Variants in ADAM7 observed in about 807,000 individuals in gnomAD.
The protein encoded by ADAM7 is disintegrin and metalloproteinase domain-containing protein 7.
In ADAM7, 97 loss-of-function variants were observed where a neutral mutation model predicts 102.9. That is an observed-to-expected ratio of 0.94 (90% CI 0.80 to 1.12). The LOEUF is 1.12. Ranked by LOEUF, ADAM7 falls within the 50% of genes most tolerant of loss-of-function variation. The pLI, the probability that ADAM7 is intolerant of heterozygous loss-of-function variation, is 0.00. For synonymous variants in ADAM7, 334 were observed against 304.4 expected, an observed-to-expected ratio of 1.10 and a Z score of -1.01; for missense variants, 991 against 908.7, an observed-to-expected ratio of 1.09 and a Z score of -1.16.
chr8:24,465,629 T>C (rs1427378203), intron 4 of ADAM7, 70 bp from the exon 5 acceptor site: 4 of 915,122 alleles, frequency 4.4e-6, no homozygotes, highest in Non-Finnish European at 6.3e-6. Context: ...GAACAGAAAA[T>C]ATTTAGATAT....
chr8:24,481,994 C>G (rs1319324833), intron 8 of ADAM7, 148 bp from the exon 9 acceptor site: 2 of 533,038 alleles, frequency 3.8e-6, no homozygotes, highest in East Asian at 6.8e-5. Flanking sequence ...TTTGATATAT[C>G]TGTTTGCAAC....
At chr8:24,490,912 G>GTTT in intron 13 of ADAM7, 24 bp downstream of exon 13, 1 of 1,285,146 alleles carries the variant, frequency 7.8e-7, no homozygotes. Flanking sequence ...CCAGGAGAAG[G>GTTT]TTTTTTTTTT....
At chr8:24,452,211 C>A (rs1290213543) in intron 3 of ADAM7, among the ~76,000 whole-genome samples, 1 of 150,820 alleles carries the variant, frequency 6.6e-6, no homozygotes, top group Non-Finnish European at 1.5e-5. Context: ...TCCTTGTTAA[C>A]TTTCTGTCTC....
Position 24,489,156 on chromosome 8 carries a change from T to G in ADAM7, c.1092-3T>G. On this transcript the variant is annotated splice_polypyrimidine_tract_variant and splice_region_variant and intron_variant, in intron 11 of 21. Coordinates refer to ENST00000175238, the MANE Select transcript of ADAM7 (RefSeq NM_003817.4). ...CTTTATTTTTACCTCATTCTATCTC[T>G]AGCATTCCTGCACTGAAATTCAGTA... 2 of 1,607,336 alleles carry G rather than the reference T, an allele frequency of 1.2e-6. No individual in the cohort carries two copies. Among genetic ancestry groups the G allele is most frequent in the South Asian group, 2.2e-5 (2 of 89,910 alleles).
At chr8:24,473,681 T>C (rs752690069) in intron 7 of ADAM7, among the ~76,000 whole-genome samples, 1 of 152,166 alleles carries the variant, frequency 6.6e-6, no homozygotes, top group Non-Finnish European at 1.5e-5. Flanking sequence ...CTAGACATGA[T>C]CTTATGAGAA....
In ADAM7 at chr8:24,466,839, C is replaced by T. The variant is rs1475335917; in HGVS notation, c.430C>T (p.Pro144Ser). ...RINDQRYLIEPVKYSDEGEHL... is the reference protein window; with the variant it reads ...RINDQRYLIESVKYSDEGEHL... Reference sequence around the variant, plus strand: ...AAACGACCAAAGATACCTCATTGAACCAGTGAAATACTCAGATGAGGGAGA... The same window carrying T: ...AAACGACCAAAGATACCTCATTGAATCAGTGAAATACTCAGATGAGGGAGA... The change falls in exon 6 of 22, where the codon CCA (proline) becomes TCA (serine). Residue 144 changes from proline to serine, a missense_variant. Physicochemically the swap from Pro to Ser is moderately conservative, Grantham distance 74 (BLOSUM62 -1). Coordinates refer to ENST00000175238, the MANE Select transcript of ADAM7 (RefSeq NM_003817.4). The T allele has an allele frequency of 1.2e-6, 2 of 1,613,714 alleles. No homozygotes were observed. The highest frequency in any genetic ancestry group is 1.1e-5 in the South Asian group (1 of 91,004).
At chr8:24,472,376 T>C (rs1435274426) in intron 7 of ADAM7, among the ~76,000 whole-genome samples, 1 of 151,870 alleles carries the variant, frequency 6.6e-6, no homozygotes, top group East Asian at 1.9e-4. Context: ...TACATAGAAA[T>C]AGCAAAGAGA....
intron 8 of ADAM7, 41 bp downstream of exon 8, chr8:24,476,545 A>G: frequency 1.3e-6 from 2 of 1,494,738 alleles, no homozygotes; most frequent in Non-Finnish European, 1.9e-6. Flanking sequence ...CAATAATACG[A>G]ATGCAAAGAA....
chr8:24,501,851 T>A (rs571474005), intron 20 of ADAM7, among the ~76,000 whole-genome samples: 3 of 152,184 alleles, frequency 2.0e-5, no homozygotes, highest in Non-Finnish European at 4.4e-5. Flanking sequence ...TGGAAAAATT[T>A]ACAAGCATAA....
At chr8:24,458,993 T>C (rs976923546) in intron 3 of ADAM7, among the ~76,000 whole-genome samples, 9 of 151,962 alleles carry the variant, frequency 5.9e-5, no homozygotes, top group Non-Finnish European at 1.2e-4. Context: ...TTCTGTGTTT[T>C]TAGTTTTTGC....
At chr8:24,471,144 T>A (rs1386172797) in intron 7 of ADAM7, among the ~76,000 whole-genome samples, 1 of 151,970 alleles carries the variant, frequency 6.6e-6, no homozygotes, top group Non-Finnish European at 1.5e-5. Flanking sequence ...AATAGAGATA[T>A]AAAGAAAAAA....
chr8:24,442,389 C>T, intron 1 of ADAM7, 84 bp from the exon 2 acceptor site: 1 of 913,812 alleles, frequency 1.1e-6, no homozygotes. Context: ...GGCAAATGAA[C>T]TGTATTAGAA....
At position 24,489,327 on chromosome 8, in the gene ADAM7, T is replaced by C. The variant is rs61752047; in HGVS notation, c.1260T>C (p.Pro420=). 0.018 allele frequency: 28,758 copies of C among 1,606,354 alleles called. 350 individuals carry two copies. The highest frequency in any genetic ancestry group is 0.023 in the Middle Eastern group (136 of 6,012). ...AGGGTGAAGAGTGTGACTGTGGCCC[T>C]GCTCAGGTATTTGCAAATGAAGCTA... is the stretch of plus-strand genomic sequence containing the variant. ...LDEGEECDCG[P]AQECTNPCCD... The change falls in exon 12 of 22, where the codon CCT becomes CCC. Residue 420 remains proline, a synonymous_variant. Coordinates refer to ENST00000175238, the MANE Select transcript of ADAM7 (RefSeq NM_003817.4).
intron 7 of ADAM7, among the ~76,000 whole-genome samples, chr8:24,471,257 C>T (rs113022656): frequency 0.022 from 3,406 of 151,870 alleles, 64 homozygotes; most frequent in African/African-American, 0.039. Flanking sequence ...TGTTACAGTA[C>T]GCTAAGGTTA....
At chr8:24,441,746 AC>A (rs1288425115) in intron 1 of ADAM7, among the ~76,000 whole-genome samples, 1 of 152,246 alleles carries the variant, frequency 6.6e-6, no homozygotes. Flanking sequence ...AAGGTCTTAT[AC>A]TTAACTACGA....
intron 21 of ADAM7, among the ~76,000 whole-genome samples, chr8:24,507,830 A>C (rs949882353): frequency 3.3e-5 from 5 of 152,204 alleles, no homozygotes; most frequent in Non-Finnish European, 7.3e-5. Context: ...CTATTCTTTC[A>C]GACTTTTGTT....
chr8:24,457,269 C>T (rs1167378499), intron 3 of ADAM7, among the ~76,000 whole-genome samples: 1 of 151,500 alleles, frequency 6.6e-6, no homozygotes, highest in Non-Finnish European at 1.5e-5. Context: ...GATTGTTTGT[C>T]CTGTTATTAT....
Position 24,467,227 on chromosome 8 carries a change from A to T in ADAM7, c.579+239A>T, listed in dbSNP as rs1038177752. 7.2e-6 allele frequency: 4 copies of T among 553,940 alleles called. No homozygotes were observed. In the Admixed American group the frequency reaches 1.0e-4, roughly 14 times the overall value. 34.3% of individuals were successfully genotyped at this position (553,940 alleles called of 1,614,324 possible). A position where few individuals can be genotyped will look rare whatever the true frequency, so the allele number is the denominator to read the frequency against. On this transcript the variant is annotated intron_variant, in intron 6 of 21. Coordinates refer to ENST00000175238, the MANE Select transcript of ADAM7 (RefSeq NM_003817.4). ...TCTACAATTCTATGTATAGATTGAT[A>T]ACATTGGGGCTATGAGTAGTTGGAA...
At position 24,447,275 on chromosome 8, in the gene ADAM7, G is replaced by A; in HGVS notation, c.233+13G>A. The A allele has an allele frequency of 6.9e-7, 1 of 1,447,116 alleles. No homozygotes were observed. Among genetic ancestry groups the A allele is most frequent in the Non-Finnish European group, 9.4e-7 (1 of 1,058,506 alleles). 89.6% of individuals were successfully genotyped at this position (1,447,116 alleles called of 1,614,324 possible). A position where few individuals can be genotyped will look rare whatever the true frequency, so the allele number is the denominator to read the frequency against. On this transcript the variant is annotated intron_variant, in intron 3 of 21. Transcript: ENST00000175238. ...TTCTAAGATCCAGGTAAGTTCTATT[G>A]TGATTCCAGTACCTTATAGATTTTA... is the stretch of plus-strand genomic sequence containing the variant.
Sources: gnomAD v4.1 joint callset for allele counts (sites outside exome capture counted in the v4.1 genomes callset) on GRCh38, gnomAD v4.1.1 for gene constraint, MANE v1.5 for transcripts, NCBI Gene and HGNC (gene_info 2026-07-23, HGNC 2026-07-21) for gene names.